The following RRAS2 variants were observed in gnomAD, a reference collection of about 807,000 sequenced individuals.
RRAS2 encodes ras-related protein R-Ras2.
RRAS2 carries 7 observed loss-of-function variants against 27.6 expected under a neutral mutation model. The ratio of observed to expected loss-of-function variants is 0.25; its 90% CI spans 0.14 to 0.48. RRAS2 has a LOEUF of 0.48. Among genes scored for constraint, RRAS2 ranks in the 20% least tolerant of loss-of-function variants. The pLI, the probability that RRAS2 is intolerant of heterozygous loss-of-function variation, is 0.99. For synonymous variants in RRAS2, 86 were observed against 90.9 expected, an observed-to-expected ratio of 0.95 and a Z score of 0.31; for missense variants, 178 against 256.2, an observed-to-expected ratio of 0.69 and a Z score of 2.08.
At chr11:14,356,440 C>T (rs1408254893) in intron 1 of RRAS2, among the ~76,000 whole-genome samples, 2 of 152,230 alleles carry the variant, frequency 1.3e-5, no homozygotes, top group Non-Finnish European at 2.9e-5. Flanking sequence ...ACACTGATAA[C>T]ACCTACCATT....
chr11:14,281,630 C>T lies in RRAS2; in HGVS notation c.499G>A (p.Ala167Thr), dbSNP rs1849538464. 1.2e-6 allele frequency: 2 copies of T among 1,601,496 alleles called. No homozygotes were observed. The highest frequency in any genetic ancestry group is 2.3e-5 in the East Asian group (1 of 44,254). The change falls in exon 5 of 6, where the codon GCT (alanine) becomes ACT (threonine). Residue 167 changes from alanine to threonine, a missense_variant. Physicochemically the swap from Ala to Thr is moderately conservative, Grantham distance 58. Transcript: ENST00000256196. ...SAKIRMNVDQ[A>T]FHELVRVIRK... is the part of the protein sequence containing the mutation. Reference sequence around the variant, plus strand: ...ATAACCCGGACAAGTTCATGGAAAGCTTGATCTACATTCATCCTAATCTTT... The same window carrying T: ...ATAACCCGGACAAGTTCATGGAAAGTTTGATCTACATTCATCCTAATCTTT...
At chr11:14,306,424 C>T (rs1172887594) in intron 1 of RRAS2, among the ~76,000 whole-genome samples, 1 of 152,186 alleles carries the variant, frequency 6.6e-6, no homozygotes, top group Non-Finnish European at 1.5e-5. Context: ...ATCTCAGCCT[C>T]CTGAGTAGCT....
At chr11:14,341,489 AAC>A (rs1347498007) in intron 1 of RRAS2, among the ~76,000 whole-genome samples, 10 of 152,176 alleles carry the variant, frequency 6.6e-5, no homozygotes, top group African/African-American at 1.4e-4. Flanking sequence ...AGCAAATCAT[AAC>A]ACACACATTC....
intron 1 of RRAS2, among the ~76,000 whole-genome samples, chr11:14,307,370 T>G (rs1234334407): frequency 6.6e-6 from 1 of 152,018 alleles, no homozygotes; most frequent in Non-Finnish European, 1.5e-5. Flanking sequence ...AATACAATAG[T>G]TCAAGACAAC....
intron 1 of RRAS2, among the ~76,000 whole-genome samples, chr11:14,300,235 T>C (rs1267187040): frequency 1.3e-5 from 2 of 152,152 alleles, no homozygotes; most frequent in Non-Finnish European, 2.9e-5. Flanking sequence ...AGACAAGGAA[T>C]ACCCTCCCAT....
chr11:14,350,285 G>A (rs1554954595), intron 1 of RRAS2, among the ~76,000 whole-genome samples: 1 of 152,098 alleles, frequency 6.6e-6, no homozygotes, highest in African/African-American at 2.4e-5. Context: ...GGAGGTGTTT[G>A]GGTCATGGGG....
chr11:14,316,680 C>T (rs1396640085), intron 1 of RRAS2, among the ~76,000 whole-genome samples: 1 of 152,174 alleles, frequency 6.6e-6, no homozygotes, highest in East Asian at 1.9e-4. Context: ...GAGGTCAAGG[C>T]TGCAGTGAGC....
chr11:14,358,975 C>G lies in RRAS2; in HGVS notation c.-105G>C, dbSNP rs1216523681. 8.7e-7 allele frequency: 1 copy of G among 1,148,802 alleles called. No homozygotes were observed. The highest frequency in any genetic ancestry group is 1.1e-6 in the Non-Finnish European group (1 of 935,470). The allele number at this position is 1,148,802 out of a possible 1,614,324, so 71.2% of individuals were successfully genotyped here. A position where few individuals can be genotyped will look rare whatever the true frequency, so the allele number is the denominator to read the frequency against. On this transcript the variant is annotated 5_prime_UTR_variant, in exon 1 of 6. Transcript: ENST00000256196. This position sits in a 1 kb window ranked among gnomAD's most constrained non-coding sequence, Gnocchi z 5.1. ...GGCCGGCGGGCTGCGGGCGAGCGGCCGGGCTGGGGTCCCGGGTACCGGGAG... is the reference window on the plus strand; with the variant it reads ...GGCCGGCGGGCTGCGGGCGAGCGGCGGGGCTGGGGTCCCGGGTACCGGGAG...
chr11:14,300,020 T>C (rs1279745092), intron 1 of RRAS2, among the ~76,000 whole-genome samples: 2 of 151,900 alleles, frequency 1.3e-5, no homozygotes, highest in African/African-American at 4.8e-5. Flanking sequence ...GGATGTTCTG[T>C]AGCAGAAAGA....
At position 14,351,681 on chromosome 11, in the gene RRAS2, G is replaced by T. The variant is rs547526392; in HGVS notation, c.108+7082C>A. Among the ~76,000 whole-genome samples, 20 of 150,796 alleles carry T rather than the reference G, an allele frequency of 1.3e-4. No homozygotes were observed. In the South Asian group the frequency reaches 4.0e-3, roughly 30 times the overall value. ...GGAGGTGGAGGTTGCAGTGAGCCAA[G>T]ATCGCACCACTGAACTCCAGCCTGG... On this transcript the variant is annotated intron_variant, in intron 1 of 5. Coordinates refer to ENST00000256196, the MANE Select transcript of RRAS2 (RefSeq NM_012250.6).
intron 1 of RRAS2, among the ~76,000 whole-genome samples, chr11:14,330,741 T>C (rs1848467080): frequency 6.6e-6 from 1 of 152,120 alleles, no homozygotes; most frequent in Non-Finnish European, 1.5e-5. Context: ...AGCTATATGT[T>C]GAGAAATTTA....
chr11:14,332,483 C>G lies in RRAS2; in HGVS notation c.108+26280G>C, dbSNP rs540524394. 7.8e-4 allele frequency among the ~76,000 whole-genome samples: 118 copies of G among 152,198 alleles called. 1 individual carries two copies. Among genetic ancestry groups the G allele is most frequent in the African/African-American group, 2.3e-3 (96 of 41,512 alleles). ...CACCACTGCACTCAAGCCTCAGCAACAGAATGAGACCTTGTCTCAAAAATA... is the reference window on the plus strand; with the variant it reads ...CACCACTGCACTCAAGCCTCAGCAAGAGAATGAGACCTTGTCTCAAAAATA... On this transcript the variant is annotated intron_variant, in intron 1 of 5. Transcript: ENST00000256196.
intron 1 of RRAS2, among the ~76,000 whole-genome samples, chr11:14,336,264 G>C (rs782302667): frequency 7.2e-5 from 11 of 152,000 alleles, no homozygotes; most frequent in Non-Finnish European, 1.3e-4. Context: ...CTGCCAGAGT[G>C]GTATCCAAAA....
intron 1 of RRAS2, among the ~76,000 whole-genome samples, chr11:14,300,873 G>A (rs139952304): frequency 2.2e-4 from 34 of 152,274 alleles, no homozygotes; most frequent in African/African-American, 7.5e-4. Flanking sequence ...CAAGCTATTG[G>A]TGAAAGTGTA....
intron 5 of RRAS2, among the ~76,000 whole-genome samples, chr11:14,281,264 G>C (rs1275932790): frequency 6.6e-6 from 1 of 152,038 alleles, no homozygotes; most frequent in South Asian, 2.1e-4. Flanking sequence ...TAGTTTATTG[G>C]GCGAGGGTGA....
intron 2 of RRAS2, 94 bp from the exon 3 acceptor site, chr11:14,294,956 C>A: frequency 1.0e-6 from 1 of 984,948 alleles, no homozygotes; most frequent in Non-Finnish European, 1.6e-6. Flanking sequence ...TCTAGAGAGC[C>A]TCATACTTGG....
At chr11:14,291,205 T>C (rs1554945764) in intron 4 of RRAS2, among the ~76,000 whole-genome samples, 3 of 151,884 alleles carry the variant, frequency 2.0e-5, no homozygotes, top group Non-Finnish European at 4.4e-5. Flanking sequence ...GAGAAGAAAG[T>C]GTTACAGGTT....
At chr11:14,306,964 G>A (rs1554948152) in intron 1 of RRAS2, among the ~76,000 whole-genome samples, 1 of 151,844 alleles carries the variant, frequency 6.6e-6, no homozygotes, top group Non-Finnish European at 1.5e-5. Flanking sequence ...GCCAAGGTGG[G>A]TGGATCACTT....
intron 4 of RRAS2, among the ~76,000 whole-genome samples, chr11:14,283,609 T>C (rs1275739776): frequency 4.0e-5 from 6 of 151,204 alleles, no homozygotes; most frequent in Non-Finnish European, 5.9e-5. Context: ...TGATATTATC[T>C]TTTTTTTTCC....
Sources: gnomAD v4.1 joint callset for allele counts (sites outside exome capture counted in the v4.1 genomes callset) on GRCh38, gnomAD v4.1.1 for gene constraint, Gnocchi (gnomAD v3.1) non-coding constraint, MANE v1.5 for transcripts, NCBI Gene and HGNC (gene_info 2026-07-23, HGNC 2026-07-21) for gene names.